The following MAML2 variants were observed in gnomAD, a reference collection of about 807,000 sequenced individuals.
The protein encoded by MAML2 is mastermind like transcriptional coactivator 2.
A neutral mutation model predicts 96.1 loss-of-function variants in MAML2; 22 were observed. The ratio of observed to expected loss-of-function variants is 0.23; its 90% CI spans 0.16 to 0.33. MAML2 has a LOEUF of 0.33. MAML2 is among the 10% of genes least tolerant of loss of function. MAML2 has a pLI of 1.00. For missense variants in MAML2, 1,367 were observed against 1,392.4 expected (o/e 0.98, Z 0.29); for synonymous variants, 561 against 521.3 (o/e 1.08, Z -1.04).
chr11:96,079,299 A>G (rs1277321797), intron 2 of MAML2, among the ~76,000 whole-genome samples: 1 of 152,234 alleles, frequency 6.6e-6, no homozygotes, highest in Non-Finnish European at 1.5e-5. Context: ...ATACACATGT[A>G]TATTACACAC....
At chr11:96,236,908 G>C (rs77701658) in intron 1 of MAML2, among the ~76,000 whole-genome samples, 2,529 of 152,262 alleles carry the variant, frequency 0.017, 63 homozygotes, top group East Asian at 0.048. Context: ...GCAAGAAAAA[G>C]ATGCTAGTGA....
intron 2 of MAML2, among the ~76,000 whole-genome samples, chr11:96,004,946 G>C (rs1858153710): frequency 6.6e-6 from 1 of 152,168 alleles, no homozygotes; most frequent in Non-Finnish European, 1.5e-5. Context: ...TGAGGGCTCT[G>C]CCTCCTGACA....
chr11:96,186,585 G>A lies in MAML2; in HGVS notation c.514-93068C>T, dbSNP rs570666615. On this transcript the variant is annotated intron_variant, in intron 1 of 4. Transcript: ENST00000524717. ...GCCTGGGCAACAAGAGTGAGAATCC[G>A]TCTCAAAAAAAAATGTGATGAAAAG... 5.3e-5 allele frequency among the ~76,000 whole-genome samples: 8 copies of A among 151,924 alleles called. No homozygotes were observed. In the South Asian group the frequency reaches 1.0e-3, roughly 20 times the overall value.
At chr11:96,166,255 A>G (rs1282631704) in intron 1 of MAML2, among the ~76,000 whole-genome samples, 2 of 150,900 alleles carry the variant, frequency 1.3e-5, no homozygotes, top group East Asian at 1.9e-4. Flanking sequence ...GGGAAGCCCC[A>G]GGGATTGCAA....
At chr11:96,013,581 A>C (rs1287664711) in intron 2 of MAML2, among the ~76,000 whole-genome samples, 3 of 152,140 alleles carry the variant, frequency 2.0e-5, no homozygotes. Flanking sequence ...GGCCTGCCAC[A>C]ACCCCATCCT....
intron 1 of MAML2, among the ~76,000 whole-genome samples, chr11:96,168,686 G>A (rs546183048): frequency 2.0e-5 from 3 of 152,282 alleles, no homozygotes; most frequent in African/African-American, 7.2e-5. Flanking sequence ...ATGACACACT[G>A]TCCCCTGCAC....
intron 4 of MAML2, among the ~76,000 whole-genome samples, chr11:95,980,882 G>A (rs1251620127): frequency 8.5e-5 from 13 of 152,146 alleles, no homozygotes; most frequent in Admixed American, 2.0e-4. Context: ...TCTCCCCCAC[G>A]CCTTCAAACC....
chr11:96,309,696 ATTT>A (rs36116461), intron 1 of MAML2, among the ~76,000 whole-genome samples: 1 of 138,734 alleles, frequency 7.2e-6, no homozygotes, highest in East Asian at 2.1e-4. Flanking sequence ...CAAAGGAACA[ATTT>A]TTTTTTTTTT....
In MAML2 at chr11:95,977,847, T is replaced by C; in HGVS notation, c.*1101A>G. 1 of 226,602 alleles carries C rather than the reference T, an allele frequency of 4.4e-6. No homozygotes were observed. The highest frequency in any genetic ancestry group is 8.8e-6 in the Non-Finnish European group (1 of 113,822). 14.0% of individuals were successfully genotyped at this position (226,602 alleles called of 1,614,324 possible). ...ATAATACGTCCAATGAAGGACAAATTGTTTTCCCTCTTGATTATGCGTTCC... is the reference window on the plus strand; with the variant it reads ...ATAATACGTCCAATGAAGGACAAATCGTTTTCCCTCTTGATTATGCGTTCC... On this transcript the variant is annotated 3_prime_UTR_variant, in exon 5 of 5. Coordinates refer to ENST00000524717, the MANE Select transcript of MAML2 (RefSeq NM_032427.4).
chr11:96,036,965 C>T (rs753129422), intron 2 of MAML2, among the ~76,000 whole-genome samples: 9 of 152,124 alleles, frequency 5.9e-5, no homozygotes, highest in Non-Finnish European at 1.3e-4. Context: ...TAAGTGAAAG[C>T]GGAGTAGATA....
intron 1 of MAML2, among the ~76,000 whole-genome samples, chr11:96,323,239 T>G (rs892318885): frequency 4.6e-5 from 7 of 152,150 alleles, no homozygotes; most frequent in Non-Finnish European, 5.9e-5. Context: ...AAAAGGCAGC[T>G]TATAGAAAAA....
intron 1 of MAML2, among the ~76,000 whole-genome samples, chr11:96,326,670 G>T (rs1300476732): frequency 6.6e-6 from 1 of 151,742 alleles, no homozygotes; most frequent in Non-Finnish European, 1.5e-5. Context: ...TGGTGTGATG[G>T]GCCCCTGTAA....
In MAML2 at chr11:96,217,534, G is replaced by A. The variant is rs571771941; in HGVS notation, c.513+123849C>T. Among the ~76,000 whole-genome samples the A allele has an allele frequency of 1.6e-4, 25 of 152,296 alleles. No homozygotes were observed. The South Asian group carries it at 4.6e-3, about 28-fold the overall frequency. ...AGCATCTTCCTTGACTGTGTTATCTGTGTTTTTGCTCTATGGTTTCCTATT... is the reference window on the plus strand; with the variant it reads ...AGCATCTTCCTTGACTGTGTTATCTATGTTTTTGCTCTATGGTTTCCTATT... On this transcript the variant is annotated intron_variant, in intron 1 of 4. Coordinates refer to ENST00000524717, the MANE Select transcript of MAML2 (RefSeq NM_032427.4).
At chr11:96,045,839 A>AT (rs779702587) in intron 2 of MAML2, among the ~76,000 whole-genome samples, 16 of 147,410 alleles carry the variant, frequency 1.1e-4, no homozygotes, top group East Asian at 4.0e-4. Flanking sequence ...TAATAATGGG[A>AT]TTTTTTTTCC....
Position 96,149,843 on chromosome 11 carries a change from C to G in MAML2, c.514-56326G>C, listed in dbSNP as rs566451098. ...CTTCTCTCGGTCTCCTTCTCCTTCT[C>G]TCTTCTAAATTTCTCTGCTGATCTC... On this transcript the variant is annotated intron_variant, in intron 1 of 4. Transcript: ENST00000524717. 3.3e-5 allele frequency among the ~76,000 whole-genome samples: 5 copies of G among 152,278 alleles called. No individual in the cohort carries two copies. In the South Asian group the frequency reaches 1.0e-3, roughly 32 times the overall value.
intron 1 of MAML2, among the ~76,000 whole-genome samples, chr11:96,142,581 T>C (rs1165114803): frequency 2.0e-5 from 3 of 152,230 alleles, no homozygotes; most frequent in African/African-American, 4.8e-5. Context: ...TGACATTACA[T>C]AGGCAAACAG....
intron 1 of MAML2, among the ~76,000 whole-genome samples, chr11:96,179,996 T>G (rs764670092): frequency 6.6e-6 from 1 of 152,224 alleles, no homozygotes; most frequent in African/African-American, 2.4e-5. Flanking sequence ...ACTATAACCA[T>G]AGTGGTTTCA....
intron 2 of MAML2, among the ~76,000 whole-genome samples, chr11:96,024,613 C>T (rs1219144342): frequency 6.6e-6 from 1 of 152,204 alleles, no homozygotes; most frequent in Non-Finnish European, 1.5e-5. Flanking sequence ...CTCTGGCTAT[C>T]TCTTCTGGTT....
chr11:96,047,647 A>G (rs1858923025), intron 2 of MAML2, among the ~76,000 whole-genome samples: 1 of 152,156 alleles, frequency 6.6e-6, no homozygotes. Flanking sequence ...GCGGTGGCTC[A>G]TGCCTGTAAT....
Sources: allele counts gnomAD v4.1 joint callset (sites outside exome capture counted in the v4.1 genomes callset), GRCh38; gene constraint gnomAD v4.1.1; transcripts MANE v1.5; gene names NCBI Gene and HGNC (gene_info 2026-07-23, HGNC 2026-07-21).